The following NEGR1 variants were observed in gnomAD, a reference collection of about 807,000 sequenced individuals.
NEGR1 encodes the protein IgLON family member 4.
NEGR1 carries 10 observed loss-of-function variants against 40.9 expected under a neutral mutation model. That is an observed-to-expected ratio of 0.24 (90% confidence interval 0.15 to 0.42). NEGR1 has a LOEUF of 0.42. NEGR1 is among the 10% of genes least tolerant of loss of function. The pLI is 1.00. For synonymous variants in NEGR1, 185 were observed against 166.8 expected, an observed-to-expected ratio of 1.11 and a Z score of -0.84; for missense variants, 352 against 438.9, an observed-to-expected ratio of 0.80 and a Z score of 1.77.
intron 2 of NEGR1, among the ~76,000 whole-genome samples, chr1:71,854,850 C>T (rs756435197): frequency 3.3e-5 from 5 of 152,106 alleles, no homozygotes; most frequent in Non-Finnish European, 7.4e-5. Flanking sequence ...CCACCAGGTC[C>T]GTCCCAGGAC....
intron 4 of NEGR1, among the ~76,000 whole-genome samples, chr1:71,697,317 C>T (rs1399632346): frequency 6.6e-6 from 1 of 151,588 alleles, no homozygotes; most frequent in Non-Finnish European, 1.5e-5. Context: ...TAGATAAAGA[C>T]TTAGGGGAGA....
At chr1:71,880,770 G>A (rs1660564060) in intron 2 of NEGR1, among the ~76,000 whole-genome samples, 1 of 151,754 alleles carries the variant, frequency 6.6e-6, no homozygotes, top group African/African-American at 2.4e-5. Context: ...AAGAGCTTTC[G>A]ACCAAAGCTC....
At chr1:72,119,205 C>G (rs958675132) in intron 1 of NEGR1, among the ~76,000 whole-genome samples, 1 of 151,854 alleles carries the variant, frequency 6.6e-6, no homozygotes, top group Non-Finnish European at 1.5e-5. Context: ...GTTTAATCCT[C>G]TGGAAGAAAG....
chr1:71,879,884 T>C (rs553045317), intron 2 of NEGR1, among the ~76,000 whole-genome samples: 1 of 152,144 alleles, frequency 6.6e-6, no homozygotes, highest in Non-Finnish European at 1.5e-5. Context: ...TTTAGAAACA[T>C]TAAACCAGCT....
intron 6 of NEGR1, among the ~76,000 whole-genome samples, chr1:71,527,395 TCCAA>T (rs1647229633): frequency 7.1e-6 from 1 of 140,686 alleles, no homozygotes; most frequent in South Asian, 2.4e-4. Context: ...CATCCATCCA[TCCAA>T]CCACCATCCA....
At chr1:71,861,884 A>T (rs184958923) in intron 2 of NEGR1, among the ~76,000 whole-genome samples, 2 of 152,202 alleles carry the variant, frequency 1.3e-5, no homozygotes, top group Admixed American at 6.5e-5. Context: ...AAAACCATGT[A>T]TTTAGATGAG....
At chr1:71,626,246 A>G (rs1260200632) in intron 4 of NEGR1, among the ~76,000 whole-genome samples, 1 of 152,006 alleles carries the variant, frequency 6.6e-6, no homozygotes, top group African/African-American at 2.4e-5. Flanking sequence ...GTTCTAGGGT[A>G]CATGTGCACA....
chr1:71,407,416 T>C lies in NEGR1; in HGVS notation c.*30A>G, dbSNP rs745746041. ...TCCAGCCATCAGCACTTTCAGAGAA[T>C]CCTTAAAAGCCTTTTATGGGTCTTT... On this transcript the variant is annotated 3_prime_UTR_variant, in exon 7 of 7. Coordinates refer to ENST00000357731, the MANE Select transcript of NEGR1 (RefSeq NM_173808.3). 1 of 1,606,114 alleles carries C rather than the reference T, an allele frequency of 6.2e-7. No individual in the cohort carries two copies. Among genetic ancestry groups the C allele is most frequent in the Non-Finnish European group, 8.5e-7 (1 of 1,174,888 alleles).
At chr1:71,706,564 C>CAAAA (rs35126210) in intron 3 of NEGR1, among the ~76,000 whole-genome samples, 5 of 116,314 alleles carry the variant, frequency 4.3e-5, no homozygotes, top group Non-Finnish European at 8.7e-5. Context: ...GTTGCTGCTC[C>CAAAA]AAAAAAAAAA....
At chr1:71,821,222 C>T (rs1658417648) in intron 2 of NEGR1, among the ~76,000 whole-genome samples, 1 of 151,898 alleles carries the variant, frequency 6.6e-6, no homozygotes, top group African/African-American at 2.4e-5. Flanking sequence ...ACAGTACTTC[C>T]CATTAATCCA....
chr1:71,929,011 G>A (rs1645829029), intron 2 of NEGR1, among the ~76,000 whole-genome samples: 1 of 152,086 alleles, frequency 6.6e-6, no homozygotes, highest in South Asian at 2.1e-4. Flanking sequence ...CCCTATCCAT[G>A]TAACATTTAT....
At chr1:71,587,776 G>A (rs935359008) in intron 6 of NEGR1, among the ~76,000 whole-genome samples, 3 of 151,894 alleles carry the variant, frequency 2.0e-5, no homozygotes, top group Non-Finnish European at 4.4e-5. Flanking sequence ...ACCTGAGATG[G>A]GAGTTTAGCA....
At chr1:71,923,369 ACT>A (rs1384085542) in intron 2 of NEGR1, among the ~76,000 whole-genome samples, 18 of 88,684 alleles carry the variant, frequency 2.0e-4, no homozygotes, top group Non-Finnish European at 2.6e-4. Flanking sequence ...ACACACACAC[ACT>A]CTCTCTCTCT....
chr1:71,770,840 A>G (rs1656292286), intron 3 of NEGR1, among the ~76,000 whole-genome samples: 1 of 152,208 alleles, frequency 6.6e-6, no homozygotes. Flanking sequence ...GAGCACTTTT[A>G]TACTGTTGGT....
At position 71,405,455 on chromosome 1, in the gene NEGR1, A is replaced by G. The variant is rs1646272811; in HGVS notation, c.*1991T>C. 1 of 152,274 alleles carries G rather than the reference A, an allele frequency of 6.6e-6. No homozygotes were observed. The highest frequency in any genetic ancestry group is 1.9e-4 in the East Asian group (1 of 5,190). 9.4% of individuals were successfully genotyped at this position (152,274 alleles called of 1,614,324 possible). ...AGTTTATTCAACAATTCCACAAAGA[A>G]TATTTCTTAAAAGCAAATAAATAAT... On this transcript the variant is annotated 3_prime_UTR_variant, in exon 7 of 7. Transcript: ENST00000357731.
intron 2 of NEGR1, among the ~76,000 whole-genome samples, chr1:71,918,874 A>T (rs1438824023): frequency 6.6e-6 from 1 of 152,208 alleles, no homozygotes; most frequent in African/African-American, 2.4e-5. Flanking sequence ...GGTCAAGTTT[A>T]TCGATTAAAA....
intron 6 of NEGR1, among the ~76,000 whole-genome samples, chr1:71,542,006 CTG>C (rs1208652310): frequency 6.6e-6 from 1 of 151,738 alleles, no homozygotes. Context: ...AAGAAATTCT[CTG>C]TAAAATGTAT....
At chr1:72,035,788 T>A (rs545530484) in intron 1 of NEGR1, among the ~76,000 whole-genome samples, 1 of 152,200 alleles carries the variant, frequency 6.6e-6, no homozygotes, top group Non-Finnish European at 1.5e-5. Context: ...AAAAACTCAA[T>A]GAGTTTAGGT....
chr1:71,881,006 G>T (rs1660569117), intron 2 of NEGR1, among the ~76,000 whole-genome samples: 1 of 152,012 alleles, frequency 6.6e-6, no homozygotes, highest in Non-Finnish European at 1.5e-5. Flanking sequence ...GATGGGTGGT[G>T]TATATGCTTT....
Sources: allele counts gnomAD v4.1 joint callset (sites outside exome capture counted in the v4.1 genomes callset), GRCh38; gene constraint gnomAD v4.1.1; transcripts MANE v1.5; gene names NCBI Gene and HGNC (gene_info 2026-07-23, HGNC 2026-07-21).